The following STXBP3 variants were observed in gnomAD, a reference collection of about 807,000 sequenced individuals.
The protein encoded by STXBP3 is syntaxin binding protein 3.
Under a neutral mutation model 85.7 loss-of-function variants are expected in STXBP3, and 41 were observed. That is an observed-to-expected ratio of 0.48 (90% CI 0.37 to 0.62). STXBP3 has a LOEUF of 0.62. STXBP3 is among the 20% of genes least tolerant of loss of function. The pLI, the probability that STXBP3 is intolerant of heterozygous loss-of-function variation, is 0.00. For missense variants in STXBP3, 563 were observed against 703.1 expected, an observed-to-expected ratio of 0.80 and a Z score of 2.25; for synonymous variants, 229 against 231.7, an observed-to-expected ratio of 0.99 and a Z score of 0.10.
intron 6 of STXBP3, among the ~76,000 whole-genome samples, chr1:108,765,077 A>C (rs1249315148): frequency 6.6e-6 from 1 of 152,138 alleles, no homozygotes. Context: ...GAAGGGGTCC[A>C]GTTTCAGTCT....
intron 6 of STXBP3, among the ~76,000 whole-genome samples, chr1:108,770,150 G>T (rs1381186066): frequency 6.6e-6 from 1 of 152,028 alleles, no homozygotes; most frequent in African/African-American, 2.4e-5. Flanking sequence ...AAAGGAATTA[G>T]CCAGGTGTGG....
At chr1:108,775,428 A>C (rs549002638) in intron 7 of STXBP3, among the ~76,000 whole-genome samples, 4 of 152,214 alleles carry the variant, frequency 2.6e-5, no homozygotes, top group African/African-American at 9.6e-5. Flanking sequence ...TTGTGATAAA[A>C]ACAATCCAAT....
chr1:108,753,925 T>G (rs563465812), intron 3 of STXBP3, among the ~76,000 whole-genome samples: 2 of 152,184 alleles, frequency 1.3e-5, no homozygotes, highest in Admixed American at 1.3e-4. Flanking sequence ...ATGTAGTTTA[T>G]GTACCGTCTG....
At chr1:108,758,425 A>G in intron 4 of STXBP3, 85 bp from the exon 5 acceptor site, 1 of 685,418 alleles carries the variant, frequency 1.5e-6, no homozygotes, top group Non-Finnish European at 2.2e-6. Flanking sequence ...TGTCACTGAA[A>G]TAAAATAATC....
chr1:108,783,048 CCTGA>C, intron 11 of STXBP3, among the ~76,000 whole-genome samples: 1 of 152,316 alleles, frequency 6.6e-6, no homozygotes, highest in South Asian at 2.1e-4. Flanking sequence ...CACCACCACA[CCTGA>C]CTAATTTTTG....
intron 1 of STXBP3, among the ~76,000 whole-genome samples, chr1:108,748,180 A>C (rs6701529): frequency 6.6e-6 from 1 of 151,992 alleles, no homozygotes; most frequent in African/African-American, 2.4e-5. Context: ...CGTAATTAAC[A>C]TTTTAAATTG....
At chr1:108,787,071 T>G (rs1662848120) in intron 11 of STXBP3, among the ~76,000 whole-genome samples, 1 of 152,162 alleles carries the variant, frequency 6.6e-6, no homozygotes, top group Admixed American at 6.5e-5. Context: ...AAAATGTGAT[T>G]GATTTTTGTA....
At chr1:108,784,793 T>C (rs1451029412) in intron 11 of STXBP3, among the ~76,000 whole-genome samples, 1 of 152,202 alleles carries the variant, frequency 6.6e-6, no homozygotes, top group Non-Finnish European at 1.5e-5. Flanking sequence ...GTACAGGCAT[T>C]GGGTAAATAC....
chr1:108,749,027 C>CTT (rs548962022), intron 1 of STXBP3, among the ~76,000 whole-genome samples: 1 of 152,100 alleles, frequency 6.6e-6, no homozygotes, highest in Non-Finnish European at 1.5e-5. Flanking sequence ...GAAGGTGACT[C>CTT]TGACAGCTGT....
At position 108,798,132 on chromosome 1, in the gene STXBP3, C is replaced by T; in HGVS notation, c.1357-13C>T. ...ATTACTGGTTTTTAATTTTTTTCCT[C>T]TAATTGTATTAGTCTCAACAAGGCA... is the stretch of plus-strand genomic sequence containing the variant. On this transcript the variant is annotated splice_polypyrimidine_tract_variant and intron_variant, in intron 15 of 18. Transcript: ENST00000370008. The T allele has an allele frequency of 6.3e-7, 1 of 1,575,266 alleles. No individual in the cohort carries two copies.
chr1:108,748,879 A>T (rs566416698), intron 1 of STXBP3, among the ~76,000 whole-genome samples: 1 of 152,328 alleles, frequency 6.6e-6, no homozygotes, highest in Non-Finnish European at 1.5e-5. Context: ...CTAGTGGAAG[A>T]TTAATTTAGA....
intron 17 of STXBP3, among the ~76,000 whole-genome samples, chr1:108,801,290 C>T (rs1430510685): frequency 6.6e-6 from 1 of 151,768 alleles, no homozygotes; most frequent in Non-Finnish European, 1.5e-5. Flanking sequence ...TTTTTTCCCC[C>T]AAGTATGAGT....
At chr1:108,802,193 T>TC (rs1663246272) in intron 17 of STXBP3, among the ~76,000 whole-genome samples, 1 of 152,038 alleles carries the variant, frequency 6.6e-6, no homozygotes, top group Admixed American at 6.6e-5. Flanking sequence ...GGTCAGGAGT[T>TC]CGAGACCAGC....
At chr1:108,805,959 T>C (rs560339272) in intron 17 of STXBP3, among the ~76,000 whole-genome samples, 1 of 152,318 alleles carries the variant, frequency 6.6e-6, no homozygotes, top group South Asian at 2.1e-4. Flanking sequence ...TTCTAGGTCA[T>C]CCAGAACAGT....
chr1:108,808,511 C>T (rs1663389438), intron 18 of STXBP3, among the ~76,000 whole-genome samples: 1 of 152,136 alleles, frequency 6.6e-6, no homozygotes, highest in African/African-American at 2.4e-5. Flanking sequence ...AGGATAATCC[C>T]GTTTTGCCCT....
chr1:108,750,416 CAA>C (rs1178663622), intron 1 of STXBP3, among the ~76,000 whole-genome samples: 2 of 152,092 alleles, frequency 1.3e-5, no homozygotes, highest in Admixed American at 6.6e-5. Flanking sequence ...TCCTAGCAAA[CAA>C]TATATAATTA....
At chr1:108,778,295 A>G (rs1261608989) in intron 8 of STXBP3, among the ~76,000 whole-genome samples, 2 of 152,224 alleles carry the variant, frequency 1.3e-5, no homozygotes, top group South Asian at 4.1e-4. Flanking sequence ...ATTACTTTTT[A>G]AAATGAAATA....
At chr1:108,788,188 T>C (rs898306568) in intron 11 of STXBP3, among the ~76,000 whole-genome samples, 2 of 152,238 alleles carry the variant, frequency 1.3e-5, no homozygotes, top group Admixed American at 1.3e-4. Flanking sequence ...GTTAATGTGA[T>C]GAATTACATT....
In STXBP3 at chr1:108,800,303, A is replaced by G; in HGVS notation, c.1533A>G (p.Val511=). The G allele has an allele frequency of 2.5e-6, 4 of 1,604,494 alleles. No homozygotes were observed. The highest frequency in any genetic ancestry group is 3.4e-6 in the Non-Finnish European group (4 of 1,172,038). ...CAGTATGGAATGGTTCAGGAGCTGT[A>G]AGGTAAATTCTACAAGTGAAAATCA... ...CPAVWNGSGA[V]SARQKPRANY... is the part of the protein sequence containing the mutation. Residue 511 remains valine (V), a splice_region_variant and synonymous_variant, in exon 17 of 19, where the codon GTA becomes GTG. Coordinates refer to ENST00000370008, the MANE Select transcript of STXBP3 (RefSeq NM_007269.4).
Sources: gnomAD v4.1 joint callset for allele counts (sites outside exome capture counted in the v4.1 genomes callset) on GRCh38, gnomAD v4.1.1 for gene constraint, MANE v1.5 for transcripts, NCBI Gene and HGNC (gene_info 2026-07-23, HGNC 2026-07-21) for gene names.